The following MID1 variants were observed in gnomAD, a reference collection of about 807,000 sequenced individuals.
The protein encoded by MID1 is E3 ubiquitin-protein ligase Midline-1.
MID1 carries 7 observed loss-of-function variants against 40.4 expected under a neutral mutation model. That is an observed-to-expected ratio of 0.17 (90% CI 0.10 to 0.33). The LOEUF (loss-of-function observed/expected upper bound fraction) is 0.33, where lower values mean the gene tolerates loss of function less well. Among genes scored for constraint, MID1 ranks in the 10% least tolerant of loss-of-function variants. The pLI is 1.00. For synonymous variants in MID1, 229 were observed against 221.2 expected (o/e 1.04, Z -0.31); for missense variants, 367 against 558.5 (o/e 0.66, Z 3.46).
At chrX:10,666,624 G>A (rs1056752357) in intron 1 of MID1, among the ~76,000 whole-genome samples, 2 of 111,259 alleles carry the variant, frequency 1.8e-5, no homozygotes, top group African/African-American at 6.6e-5. Context: ...AAAGATACTC[G>A]GCCTAGTTCT....
At chrX:10,527,341 G>A (rs895337366) in intron 2 of MID1, among the ~76,000 whole-genome samples, 2 of 111,406 alleles carry the variant, frequency 1.8e-5, no homozygotes, top group African/African-American at 6.5e-5. Context: ...GACTCTCTTC[G>A]GCAAATGACT....
intron 1 of MID1, among the ~76,000 whole-genome samples, chrX:10,592,035 T>C (rs1935314358): frequency 9.1e-6 from 1 of 110,468 alleles, no homozygotes; most frequent in African/African-American, 3.3e-5. Context: ...CTTTCATAAC[T>C]GAGACTTGGG....
intron 1 of MID1, chrX:10,589,588 A>C (rs752519257): frequency 8.9e-6 from 1 of 111,798 alleles, no homozygotes; most frequent in South Asian, 3.8e-4. Context: ...TAGTCTTACC[A>C]AGTTTTAGAT....
chrX:10,481,614 AT>A (rs571892673), intron 5 of MID1, among the ~76,000 whole-genome samples: 65 of 103,009 alleles, frequency 6.3e-4, no homozygotes, highest in East Asian at 4.0e-3. Context: ...TAATTTTTGT[AT>A]TTTTTTTTTT....
At chrX:10,724,221 C>G (rs2043375800) in intron 1 of MID1, among the ~76,000 whole-genome samples, 1 of 110,836 alleles carries the variant, frequency 9.0e-6, no homozygotes, top group Non-Finnish European at 1.9e-5. Context: ...CCACCACACC[C>G]GGTAATTTTT....
chrX:10,754,663 G>C (rs968657108), intron 1 of MID1, among the ~76,000 whole-genome samples: 3 of 110,807 alleles, frequency 2.7e-5, no homozygotes, highest in Non-Finnish European at 5.7e-5. Context: ...GAGGTGCACT[G>C]TATGATGGTG....
At chrX:10,762,084 G>A (rs1569164082) in intron 1 of MID1, among the ~76,000 whole-genome samples, 1 of 111,673 alleles carries the variant, frequency 9.0e-6, no homozygotes, top group East Asian at 2.8e-4. Flanking sequence ...ACCTTGAAGG[G>A]TAGGAATCCA....
chrX:10,489,398 A>C (rs1401955131), intron 4 of MID1, among the ~76,000 whole-genome samples: 2 of 112,371 alleles, frequency 1.8e-5, no homozygotes, highest in Admixed American at 1.9e-4. Flanking sequence ...ATTTTGAGTA[A>C]AGTCTTGTAT....
chrX:10,598,205 C>G (rs1364156247), intron 1 of MID1, among the ~76,000 whole-genome samples: 2 of 112,149 alleles, frequency 1.8e-5, no homozygotes, highest in African/African-American at 6.5e-5. Flanking sequence ...CCAAAAGCAG[C>G]AGATTTCCTT....
At chrX:10,766,521 C>T (rs1363392481) in intron 1 of MID1, among the ~76,000 whole-genome samples, 4 of 112,012 alleles carry the variant, frequency 3.6e-5, no homozygotes, top group Non-Finnish European at 7.5e-5. Context: ...GGGATGACTT[C>T]AAATTATATT....
At chrX:10,692,624 A>G (rs1181864260) in intron 1 of MID1, among the ~76,000 whole-genome samples, 1 of 111,560 alleles carries the variant, frequency 9.0e-6, no homozygotes, top group Non-Finnish European at 1.9e-5. Context: ...TCTCAAAAAA[A>G]AAAATTATTC....
chrX:10,805,339 C>T (rs778418775), intron 1 of MID1, among the ~76,000 whole-genome samples: 33 of 101,763 alleles, frequency 3.2e-4, no homozygotes, highest in South Asian at 9.9e-4. Context: ...TTTGTTCTTG[C>T]GATAGTTTAC....
Position 10,710,769 on chromosome X carries a change from A to ATCATATGT in MID1, c.-186-90358_-186-90351dup, listed in dbSNP as rs1358665318. On this transcript the variant is annotated intron_variant, in intron 1 of 10. Coordinates refer to the MID1 transcript ENST00000380785. ...TCAGCATGTGTGGGAGAGTAAAAAT[A>ATCATATGT]TCATATGTTCTCTTATTTTGTCTTC... is the stretch of plus-strand genomic sequence containing the variant. Among the ~76,000 whole-genome samples, 36 of 111,664 alleles carry ATCATATGT rather than the reference A, an allele frequency of 3.2e-4. 1 individual carries two copies. The highest frequency in any genetic ancestry group is 1.2e-3 in the African/African-American group (36 of 30,731).
At chrX:10,738,752 T>C (rs1251172722) in intron 1 of MID1, among the ~76,000 whole-genome samples, 3 of 110,967 alleles carry the variant, frequency 2.7e-5, no homozygotes, top group Non-Finnish European at 5.7e-5. Context: ...CAGTTATTTG[T>C]TTACCTGAAA....
At chrX:10,790,871 A>G (rs1205065758) in intron 1 of MID1, among the ~76,000 whole-genome samples, 1 of 112,157 alleles carries the variant, frequency 8.9e-6, no homozygotes, top group Non-Finnish European at 1.9e-5. Flanking sequence ...CTCTTATCAT[A>G]TTTTATAAAT....
Position 10,728,569 on chromosome X carries a change from T to G in MID1, c.-187+104985A>C, listed in dbSNP as rs142933258. On this transcript the variant is annotated intron_variant, in intron 1 of 10. Coordinates refer to the MID1 transcript ENST00000380785. ...TTAAAACTACTAAGCTAGTAGCCTG[T>G]GATCCTATAAAATGGCTTCCATTAA... Among the ~76,000 whole-genome samples, 510 of 112,188 alleles carry G rather than the reference T, an allele frequency of 4.5e-3. 2 individuals are homozygous for G. Among genetic ancestry groups the G allele is most frequent in the African/African-American group, 0.016 (485 of 30,907 alleles).
At chrX:10,704,723 T>TATATATATAC (rs1555916220) in intron 1 of MID1, among the ~76,000 whole-genome samples, 1 of 83,512 alleles carries the variant, frequency 1.2e-5, no homozygotes, top group African/African-American at 5.7e-5. Flanking sequence ...TGTGTATATA[T>TATATATATAC]ATATATATAT....
At position 10,528,171 on chromosome X, in the gene MID1, G is replaced by C. The variant is rs182648223; in HGVS notation, c.661-4984C>G. 3.6e-5 allele frequency among the ~76,000 whole-genome samples: 4 copies of C among 110,551 alleles called. No individual in the cohort carries two copies. In the East Asian group the frequency reaches 1.1e-3, roughly 32 times the overall value. ...TCAGCAGTATCAATAGAAACCTAAT[G>C]TGAGCCACAAATGTGAGTCACATTT... On this transcript the variant is annotated intron_variant, in intron 2 of 9. Coordinates refer to ENST00000317552, the MANE Select transcript of MID1 (RefSeq NM_000381.4).
chrX:10,531,474 T>G (rs1333189667), intron 2 of MID1, among the ~76,000 whole-genome samples: 4 of 112,483 alleles, frequency 3.6e-5, no homozygotes, highest in Non-Finnish European at 7.5e-5. Context: ...AAATACAATC[T>G]GCATATAAAT....
Sources: allele counts gnomAD v4.1 joint callset (sites outside exome capture counted in the v4.1 genomes callset), GRCh38; gene constraint gnomAD v4.1.1; transcripts MANE v1.5; gene names NCBI Gene and HGNC (gene_info 2026-07-23, HGNC 2026-07-21).